MYO3B: variants seen among roughly 807,000 people sequenced by gnomAD.
MYO3B encodes myosin IIIB, also known as myosin-IIIb.
A neutral mutation model predicts 174.6 loss-of-function variants in MYO3B; 156 were observed. That is an observed-to-expected ratio of 0.89 (90% CI 0.78 to 1.02). The LOEUF is 1.02. MYO3B is among the 50% of genes least tolerant of loss of function. The pLI is 0.00. For synonymous variants in MYO3B, 563 were observed against 569.1 expected (o/e 0.99, Z 0.15); for missense variants, 1,632 against 1,639.4 (o/e 1.00, Z 0.08).
intron 23 of MYO3B, among the ~76,000 whole-genome samples, chr2:170,448,808 T>C (rs1683411351): frequency 1.3e-5 from 2 of 151,424 alleles, no homozygotes; most frequent in African/African-American, 4.8e-5. Flanking sequence ...TTTTTTGAAG[T>C]ATAATTTTTC....
chr2:170,281,015 T>A (rs1574709092), intron 7 of MYO3B, among the ~76,000 whole-genome samples: 1 of 152,332 alleles, frequency 6.6e-6, no homozygotes, highest in East Asian at 1.9e-4. Flanking sequence ...CCGTGAAGAA[T>A]GTCATTTGTA....
intron 12 of MYO3B, among the ~76,000 whole-genome samples, chr2:170,384,821 C>T (rs1313968703): frequency 6.6e-6 from 1 of 152,156 alleles, no homozygotes; most frequent in Non-Finnish European, 1.5e-5. Flanking sequence ...CCCAACAATT[C>T]AGTTCAATTC....
At chr2:170,394,292 T>C (rs1442252775) in intron 16 of MYO3B, among the ~76,000 whole-genome samples, 1 of 152,008 alleles carries the variant, frequency 6.6e-6, no homozygotes, top group Non-Finnish European at 1.5e-5. Context: ...CAGGCTTAGG[T>C]GGGTTAAAAG....
chr2:170,240,572 C>G (rs2093119822), intron 7 of MYO3B, among the ~76,000 whole-genome samples: 1 of 152,166 alleles, frequency 6.6e-6, no homozygotes, highest in Non-Finnish European at 1.5e-5. Context: ...AAAGTTAAAG[C>G]CCTTCCTTAA....
chr2:170,220,674 A>G (rs901286157), intron 6 of MYO3B, among the ~76,000 whole-genome samples: 1 of 148,862 alleles, frequency 6.7e-6, no homozygotes, highest in Non-Finnish European at 1.5e-5. Flanking sequence ...TCTGTAGGGG[A>G]CAGTTTATGG....
chr2:170,202,517 A>C (rs1025197213), intron 3 of MYO3B, among the ~76,000 whole-genome samples: 2 of 152,214 alleles, frequency 1.3e-5, no homozygotes, highest in African/African-American at 4.8e-5. Context: ...AGGCCCACAG[A>C]AGTGAGTAAC....
intron 3 of MYO3B, among the ~76,000 whole-genome samples, chr2:170,213,112 C>T (rs535755472): frequency 7.2e-5 from 11 of 152,234 alleles, no homozygotes; most frequent in African/African-American, 2.4e-4. Flanking sequence ...CAAACCTGCA[C>T]GTTGACTTCT....
intron 16 of MYO3B, among the ~76,000 whole-genome samples, chr2:170,396,680 G>C (rs2094443720): frequency 6.6e-6 from 1 of 152,160 alleles, no homozygotes; most frequent in South Asian, 2.1e-4. Context: ...GCTGAAGAGG[G>C]TAGTGCCAGA....
rs572486309 is a variant in MYO3B, at chr2:170,582,788, C to T, written c.3733+38800C>T. Among the ~76,000 whole-genome samples the T allele has an allele frequency of 6.4e-4, 98 of 152,184 alleles. 1 individual carries two copies. The highest frequency in any genetic ancestry group is 1.3e-3 in the Non-Finnish European group (87 of 67,988). ...TCAGGCCTTTTGTTAAGAAAAAAAT[C>T]GTCATTGTGGTTTTTCTTTCTTGAG... On this transcript the variant is annotated intron_variant, in intron 32 of 34. Coordinates refer to ENST00000408978, the MANE Select transcript of MYO3B (RefSeq NM_138995.5).
At chr2:170,483,455 C>G (rs531920375) in intron 25 of MYO3B, among the ~76,000 whole-genome samples, 3 of 108,764 alleles carry the variant, frequency 2.8e-5, no homozygotes, top group African/African-American at 6.1e-5. Context: ...GGCGCGATCT[C>G]GGCTCACTGC....
chr2:170,572,192 G>A (rs985105191), intron 32 of MYO3B, among the ~76,000 whole-genome samples: 2 of 152,116 alleles, frequency 1.3e-5, no homozygotes, highest in Non-Finnish European at 2.9e-5. Flanking sequence ...CAATTTAGGA[G>A]GCCGAGGCGG....
At chr2:170,310,023 C>T (rs372837234) in intron 7 of MYO3B, among the ~76,000 whole-genome samples, 3 of 152,004 alleles carry the variant, frequency 2.0e-5, no homozygotes, top group Admixed American at 1.3e-4. Flanking sequence ...AATGTATGGC[C>T]GTTTGTATTT....
chr2:170,480,821 TGTA>T lies in MYO3B; in HGVS notation c.3014+14113_3014+14115del, dbSNP rs553372508. 6.6e-5 allele frequency among the ~76,000 whole-genome samples: 10 copies of T among 152,336 alleles called. 1 individual carries two copies. In the South Asian group the frequency reaches 2.1e-3, roughly 32 times the overall value. On this transcript the variant is annotated intron_variant, in intron 25 of 34. Transcript: ENST00000408978. Reference sequence around the variant, plus strand: ...TAGAAGTCTTAGTGTTGATGATTGTTGTAGTGGTGTGAGAGCAAAGGAAAAACA... The same window carrying T: ...TAGAAGTCTTAGTGTTGATGATTGTTGTGGTGTGAGAGCAAAGGAAAAACA...
chr2:170,388,685 T>C (rs890314641), intron 14 of MYO3B, among the ~76,000 whole-genome samples: 1 of 152,184 alleles, frequency 6.6e-6, no homozygotes, highest in Admixed American at 6.5e-5. Flanking sequence ...TAGGAGGCTG[T>C]TGCCAGATTC....
intron 3 of MYO3B, among the ~76,000 whole-genome samples, chr2:170,202,828 G>A (rs1480061322): frequency 6.6e-6 from 1 of 152,154 alleles, no homozygotes; most frequent in Non-Finnish European, 1.5e-5. Context: ...TGCATATTAA[G>A]AATAAATTTA....
chr2:170,384,668 T>C (rs760221246), intron 12 of MYO3B, among the ~76,000 whole-genome samples: 12 of 152,206 alleles, frequency 7.9e-5, no homozygotes, highest in Admixed American at 2.6e-4. Flanking sequence ...ATAGATTTCA[T>C]AGGGAGGAAG....
At chr2:170,636,659 G>T (rs900187980) in intron 32 of MYO3B, among the ~76,000 whole-genome samples, 9 of 152,108 alleles carry the variant, frequency 5.9e-5, no homozygotes, top group African/African-American at 2.2e-4. Context: ...TCCAGAGCTG[G>T]TGGCGCGTTT....
chr2:170,353,863 T>C (rs952098254), intron 8 of MYO3B, among the ~76,000 whole-genome samples: 2 of 152,254 alleles, frequency 1.3e-5, no homozygotes, highest in African/African-American at 4.8e-5. Context: ...GGAAGGCTAG[T>C]AATTTATGAT....
At chr2:170,563,852 G>C (rs1691896157) in intron 32 of MYO3B, among the ~76,000 whole-genome samples, 1 of 152,192 alleles carries the variant, frequency 6.6e-6, no homozygotes, top group Non-Finnish European at 1.5e-5. Context: ...TCTATGCAAT[G>C]ATCTATTTAT....
Sources: allele counts gnomAD v4.1 joint callset (sites outside exome capture counted in the v4.1 genomes callset), GRCh38; gene constraint gnomAD v4.1.1; transcripts MANE v1.5; gene names NCBI Gene and HGNC (gene_info 2026-07-23, HGNC 2026-07-21).